Variants in GTF2IRD1 observed in about 807,000 individuals in gnomAD.
GTF2IRD1 encodes the protein general transcription factor II-I repeat domain-containing protein 1.
Under a neutral mutation model 113.2 loss-of-function variants are expected in GTF2IRD1, and 26 were observed. The ratio of observed to expected loss-of-function variants is 0.23; its 90% CI spans 0.17 to 0.32. The LOEUF is 0.32. Ranked by LOEUF, GTF2IRD1 falls within the 10% of genes least tolerant of loss-of-function variation. The pLI, the probability that GTF2IRD1 is intolerant of heterozygous loss-of-function variation, is 1.00. For synonymous variants in GTF2IRD1, 484 were observed against 529.1 expected (o/e 0.91, Z 1.17); for missense variants, 864 against 1,280.8 (o/e 0.67, Z 4.97).
At chr7:74,514,665 G>A (rs1441319197) in intron 3 of GTF2IRD1, among the ~76,000 whole-genome samples, 2 of 151,744 alleles carry the variant, frequency 1.3e-5, no homozygotes, top group East Asian at 1.9e-4. Flanking sequence ...TGCAACCCAC[G>A]GCCTCCTTGG....
At chr7:74,473,763 C>T (rs1794240640) in intron 1 of GTF2IRD1, among the ~76,000 whole-genome samples, 1 of 152,078 alleles carries the variant, frequency 6.6e-6, no homozygotes, top group Non-Finnish European at 1.5e-5. Context: ...TCCTGGACAG[C>T]CCGCAACCTT....
At chr7:74,575,899 G>A (rs201016904) in intron 22 of GTF2IRD1, among the ~76,000 whole-genome samples, 28 of 152,230 alleles carry the variant, frequency 1.8e-4, no homozygotes, top group African/African-American at 3.6e-4. Flanking sequence ...AAAACAGGCC[G>A]GGTCCAGTGG....
intron 1 of GTF2IRD1, among the ~76,000 whole-genome samples, chr7:74,466,660 T>C (rs1243464197): frequency 1.3e-5 from 2 of 152,184 alleles, no homozygotes; most frequent in Non-Finnish European, 2.9e-5. Flanking sequence ...AAAGCTTCCC[T>C]GACCTCATCT....
At chr7:74,559,783 C>CTT (rs112974956) in intron 22 of GTF2IRD1, 128 bp downstream of exon 22, 164 of 530,940 alleles carry the variant, frequency 3.1e-4, no homozygotes, top group South Asian at 8.1e-4. Context: ...CCCTGCCTTT[C>CTT]TTTTTTTTTT....
intron 7 of GTF2IRD1, 36 bp downstream of exon 7, chr7:74,521,333 G>A (rs782789896): frequency 4.8e-6 from 6 of 1,238,250 alleles, no homozygotes; most frequent in Non-Finnish European, 2.4e-6. Flanking sequence ...CGGCCTGAGT[G>A]GGAATCTGAG....
intron 8 of GTF2IRD1, 52 bp from the exon 9 acceptor site, chr7:74,529,682 G>T: frequency 6.4e-7 from 1 of 1,555,320 alleles, no homozygotes; most frequent in Non-Finnish European, 8.8e-7. Context: ...CGGGTCCTGT[G>T]TGTCCAGCAG....
At chr7:74,494,779 TCTCA>T (rs1357871171) in intron 1 of GTF2IRD1, among the ~76,000 whole-genome samples, 2 of 151,600 alleles carry the variant, frequency 1.3e-5, no homozygotes, top group Non-Finnish European at 3.0e-5. Context: ...GAGACAGGGT[TCTCA>T]CTCTGTCACT....
At chr7:74,539,669 G>A (rs1186106170) in intron 13 of GTF2IRD1, among the ~76,000 whole-genome samples, 5 of 151,844 alleles carry the variant, frequency 3.3e-5, no homozygotes, top group East Asian at 1.9e-4. Flanking sequence ...GCTTGAACCC[G>A]GGAGGCGGAG....
At chr7:74,596,769 C>T (rs1429013871) in intron 25 of GTF2IRD1, among the ~76,000 whole-genome samples, 4 of 152,174 alleles carry the variant, frequency 2.6e-5, no homozygotes, top group South Asian at 4.1e-4. Context: ...ACCTGGGCAA[C>T]GTAGTGAGAT....
rs903280387 is a variant in GTF2IRD1 at position 74,512,628 on chromosome 7, C to A, written c.124-202C>A. Among the ~76,000 whole-genome samples the A allele has an allele frequency of 8.5e-5, 13 of 152,204 alleles. No individual in the cohort carries two copies. The highest frequency in any genetic ancestry group is 1.2e-4 in the African/African-American group (5 of 41,446). The stretch of plus-strand genomic sequence containing the variant: ...AGAGGACACTTGTCCTCCTCCACCC[C>A]CCATCGCCAATGCCTGCAGGGCCAT... On this transcript the variant is annotated intron_variant, in intron 2 of 26. Coordinates refer to ENST00000424337, the MANE Select transcript of GTF2IRD1 (RefSeq NM_005685.4). This position sits in a 1 kb window ranked among gnomAD's most constrained non-coding sequence, Gnocchi z 4.4.
chr7:74,520,911 G>T (rs1288778519), intron 6 of GTF2IRD1, among the ~76,000 whole-genome samples: 5 of 148,462 alleles, frequency 3.4e-5, no homozygotes, highest in Admixed American at 6.8e-5. Flanking sequence ...GCCCAAATAT[G>T]TGGGCTGACC....
chr7:74,585,896 GAAAA>G (rs1234214301), intron 22 of GTF2IRD1, among the ~76,000 whole-genome samples: 3 of 151,048 alleles, frequency 2.0e-5, no homozygotes, highest in Admixed American at 6.6e-5. Flanking sequence ...AAAAAAAAAA[GAAAA>G]AGAAAGAAAC....
chr7:74,532,746 GA>G (rs1798043320), intron 9 of GTF2IRD1, among the ~76,000 whole-genome samples: 1 of 152,160 alleles, frequency 6.6e-6, no homozygotes, highest in Non-Finnish European at 1.5e-5. Flanking sequence ...CGTGAAAACA[GA>G]AGTCACCGTC....
chr7:74,459,760 G>T lies in GTF2IRD1; in HGVS notation c.-7+5584G>T, dbSNP rs1328527002. 2.0e-5 allele frequency among the ~76,000 whole-genome samples: 3 copies of T among 152,304 alleles called. No homozygotes were observed. The East Asian group carries it at 5.8e-4, about 29-fold the overall frequency. ...AACTTCTAGCTAAAAGTTACCTGTT[G>T]TTGATCTGTAGTTCAGACTGAACTG... On this transcript the variant is annotated intron_variant, in intron 1 of 26. Coordinates refer to ENST00000424337, the MANE Select transcript of GTF2IRD1 (RefSeq NM_005685.4).
At chr7:74,574,743 G>A (rs1243734048) in intron 22 of GTF2IRD1, among the ~76,000 whole-genome samples, 1 of 151,196 alleles carries the variant, frequency 6.6e-6, no homozygotes, top group African/African-American at 2.4e-5. Flanking sequence ...TTACAGATGT[G>A]AGCCACCGTG....
chr7:74,506,367 G>T (rs949996946), intron 1 of GTF2IRD1: 1 of 152,232 alleles, frequency 6.6e-6, no homozygotes, highest in Admixed American at 6.5e-5. Context: ...CTTACAGATG[G>T]CAGGGGCACC....
intron 1 of GTF2IRD1, among the ~76,000 whole-genome samples, chr7:74,477,196 T>C (rs546127380): frequency 6.6e-6 from 1 of 152,150 alleles, no homozygotes; most frequent in South Asian, 2.1e-4. Context: ...AAACCCCATC[T>C]CTACTAAAAA....
intron 14 of GTF2IRD1, among the ~76,000 whole-genome samples, chr7:74,544,324 T>TA (rs1554352563): frequency 6.6e-6 from 1 of 152,172 alleles, no homozygotes; most frequent in Non-Finnish European, 1.5e-5. Flanking sequence ...TAGCTGGGAT[T>TA]ACAGGCATGC....
intron 1 of GTF2IRD1, among the ~76,000 whole-genome samples, chr7:74,469,903 A>G (rs187619640): frequency 2.6e-5 from 4 of 151,768 alleles, no homozygotes; most frequent in African/African-American, 9.7e-5. Context: ...GAGACGGCAT[A>G]TGTATTAGCA....
Sources: allele counts gnomAD v4.1 joint callset (sites outside exome capture counted in the v4.1 genomes callset), GRCh38; gene constraint gnomAD v4.1.1; non-coding constraint Gnocchi (gnomAD v3.1); transcripts MANE v1.5; gene names NCBI Gene and HGNC (gene_info 2026-07-23, HGNC 2026-07-21).